The following PEPD variants were observed in gnomAD, a reference collection of about 807,000 sequenced individuals.
The protein encoded by PEPD is xaa-Pro dipeptidase.
A neutral mutation model predicts 60.7 loss-of-function variants in PEPD; 53 were observed. The observed-to-expected ratio is 0.87, with a 90% CI of 0.70 to 1.10. The LOEUF (loss-of-function observed/expected upper bound fraction) is 1.10, where lower values mean the gene tolerates loss of function less well. Ranked by LOEUF, PEPD falls within the 50% of genes least tolerant of loss-of-function variation. The pLI, the probability that PEPD is intolerant of heterozygous loss-of-function variation, is 0.00. For missense variants in PEPD, 711 were observed against 711.9 expected (o/e 1.00, Z 0.01); for synonymous variants, 267 against 284.1 (o/e 0.94, Z 0.60).
intron 7 of PEPD, among the ~76,000 whole-genome samples, chr19:33,464,794 C>T (rs1462968645): frequency 6.6e-6 from 1 of 152,122 alleles, no homozygotes; most frequent in Non-Finnish European, 1.5e-5. Context: ...GTTAATTTGC[C>T]CAAATGTGGT....
chr19:33,493,155 C>T (rs565239903), intron 5 of PEPD, 135 bp downstream of exon 5: 10 of 711,846 alleles, frequency 1.4e-5, no homozygotes, highest in South Asian at 3.1e-5. Context: ...GGATAACAGG[C>T]GTGAGCCCCT....
intron 9 of PEPD, among the ~76,000 whole-genome samples, chr19:33,438,887 T>C (rs913165428): frequency 4.6e-5 from 7 of 152,186 alleles, no homozygotes; most frequent in African/African-American, 1.7e-4. Context: ...GCCCAGTTAA[T>C]TTTTGTATTT....
chr19:33,476,018 T>C (rs1970207057), intron 7 of PEPD, among the ~76,000 whole-genome samples: 1 of 152,118 alleles, frequency 6.6e-6, no homozygotes, highest in African/African-American at 2.4e-5. Flanking sequence ...CAATGCCGTG[T>C]TAGGCTAATT....
intron 11 of PEPD, among the ~76,000 whole-genome samples, chr19:33,408,446 C>T (rs1968689338): frequency 6.6e-6 from 1 of 152,232 alleles, no homozygotes; most frequent in African/African-American, 2.4e-5. Context: ...GCAGCACAGC[C>T]TCGGTCAGTT....
chr19:33,452,503 A>G (rs907191241), intron 9 of PEPD, among the ~76,000 whole-genome samples: 3 of 152,172 alleles, frequency 2.0e-5, no homozygotes, highest in Admixed American at 6.5e-5. Flanking sequence ...TAAATTTAAG[A>G]GCTGATTTTA....
intron 9 of PEPD, among the ~76,000 whole-genome samples, chr19:33,441,676 C>T (rs1969482644): frequency 6.6e-6 from 1 of 152,154 alleles, no homozygotes; most frequent in Non-Finnish European, 1.5e-5. Context: ...AGCAATGGCC[C>T]CTGGCTTCCT....
At chr19:33,430,236 T>C (rs1969240111) in intron 9 of PEPD, among the ~76,000 whole-genome samples, 2 of 152,124 alleles carry the variant, frequency 1.3e-5, no homozygotes, top group Non-Finnish European at 2.9e-5. Flanking sequence ...GAGAACAACT[T>C]TTCTAGATGG....
chr19:33,457,655 C>T (rs925769181), intron 9 of PEPD, among the ~76,000 whole-genome samples: 1 of 152,216 alleles, frequency 6.6e-6, no homozygotes. Context: ...GGACTACAGG[C>T]GCCCGACACC....
At chr19:33,466,665 C>T (rs116241118) in intron 7 of PEPD, among the ~76,000 whole-genome samples, 1,791 of 151,660 alleles carry the variant, frequency 0.012, 36 homozygotes, top group African/African-American at 0.04. Context: ...TGGCCACGTC[C>T]AGGATGTCTT....
intron 7 of PEPD, among the ~76,000 whole-genome samples, chr19:33,474,308 C>G (rs962836746): frequency 6.6e-6 from 1 of 152,224 alleles, no homozygotes. Context: ...TTTTCTTGGG[C>G]AAGTCACTAA....
chr19:33,413,691 C>A (rs1361321920), intron 9 of PEPD, 48 bp from the exon 10 acceptor site: 4 of 1,144,698 alleles, frequency 3.5e-6, no homozygotes, highest in African/African-American at 1.5e-5. Flanking sequence ...AGCAGGCACA[C>A]CCCACTCCAC....
chr19:33,463,011 C>T lies in PEPD; in HGVS notation c.655G>A (p.Glu219Lys). ...VMKAVKVGMKEYELESLFEHY... is the reference protein window; with the variant it reads ...VMKAVKVGMKKYELESLFEHY... ...GTGGCTTACCTTTCCAACTCATATT[C>T]TTTCATTCCCACTTTTACAGCCTTC... Residue 219 changes from glutamate to lysine, a missense_variant, in exon 9 of 15, where the codon GAA becomes AAA. Coordinates refer to ENST00000244137, the MANE Select transcript of PEPD (RefSeq NM_000285.4). The T allele has an allele frequency of 6.2e-7, 1 of 1,600,464 alleles. No individual in the cohort carries two copies.
chr19:33,421,967 T>C (rs1025248030), intron 9 of PEPD, among the ~76,000 whole-genome samples: 1 of 151,970 alleles, frequency 6.6e-6, no homozygotes, highest in Non-Finnish European at 1.5e-5. Flanking sequence ...TCAGCCCTTG[T>C]CCCCTACAGA....
intron 2 of PEPD, chr19:33,511,372 G>A: frequency 1.8e-6 from 1 of 552,032 alleles, no homozygotes; most frequent in Admixed American, 2.4e-5. Context: ...ACCCTGCTGG[G>A]AGCCCTCCCT....
intron 9 of PEPD, 47 bp from the exon 10 acceptor site, chr19:33,413,690 AC>A: frequency 2.6e-6 from 3 of 1,146,462 alleles, no homozygotes; most frequent in African/African-American, 1.5e-5. Flanking sequence ...GAGCAGGCAC[AC>A]CCCACTCCAC....
At chr19:33,506,838 CCA>C (rs1263422602) in intron 3 of PEPD, among the ~76,000 whole-genome samples, 1 of 148,944 alleles carries the variant, frequency 6.7e-6, no homozygotes, top group Non-Finnish European at 1.5e-5. Context: ...ACACGCACAC[CCA>C]CATTCACCCC....
intron 6 of PEPD, among the ~76,000 whole-genome samples, chr19:33,482,962 A>G (rs1034663523): frequency 1.3e-5 from 2 of 152,226 alleles, no homozygotes; most frequent in Non-Finnish European, 2.9e-5. Context: ...TGCAGAATAC[A>G]TGCTTTCTTT....
chr19:33,389,023 A>C (rs1408453415), intron 13 of PEPD: 2 of 152,126 alleles, frequency 1.3e-5, no homozygotes, highest in African/African-American at 4.8e-5. Flanking sequence ...GCCCGGCTGC[A>C]CTCCCTCCCC....
intron 9 of PEPD, among the ~76,000 whole-genome samples, chr19:33,458,810 TGTGGTGTATGTGG>T (rs1969873177): frequency 7.4e-6 from 1 of 135,678 alleles, no homozygotes; most frequent in Admixed American, 9.0e-5. Context: ...AGGGCATGTG[TGTGGTGTATGTGG>T]AGTGCGCAGG....
Sources: gnomAD v4.1 joint callset for allele counts (sites outside exome capture counted in the v4.1 genomes callset) on GRCh38, gnomAD v4.1.1 for gene constraint, MANE v1.5 for transcripts, NCBI Gene and HGNC (gene_info 2026-07-23, HGNC 2026-07-21) for gene names.